The following SEMA3E variants were observed in gnomAD, a reference collection of about 807,000 sequenced individuals.
SEMA3E encodes semaphorin 3E.
SEMA3E carries 49 observed loss-of-function variants against 93.6 expected under a neutral mutation model. That is an observed-to-expected ratio of 0.52 (90% CI 0.42 to 0.66). SEMA3E has a LOEUF of 0.66. SEMA3E is among the 30% of genes least tolerant of loss of function. The pLI is 0.00. For synonymous variants in SEMA3E, 363 were observed against 330.7 expected (o/e 1.10, Z -1.06); for missense variants, 906 against 964.8 (o/e 0.94, Z 0.81).
chr7:83,379,909 T>C (rs76299497), intron 16 of SEMA3E, among the ~76,000 whole-genome samples: 5,399 of 151,984 alleles, frequency 0.036, 319 homozygotes, highest in African/African-American at 0.12. Flanking sequence ...CTTACTTTTA[T>C]TAATTCCCCT....
intron 16 of SEMA3E, chr7:83,372,318 A>G (rs1234077310): frequency 7.5e-6 from 3 of 397,958 alleles, no homozygotes; most frequent in African/African-American, 4.1e-5. Flanking sequence ...AAACATCCTT[A>G]TTGAATATGA....
chr7:83,367,443 T>A lies in SEMA3E; in HGVS notation c.*143A>T. On this transcript the variant is annotated 3_prime_UTR_variant, in exon 17 of 17. Coordinates refer to ENST00000643230, the MANE Select transcript of SEMA3E (RefSeq NM_012431.3). ...TATCCAGTCAAATGAGTATGTAGAATAATTTATTATAACACCTTCATAGTC... is the reference window on the plus strand; with the variant it reads ...TATCCAGTCAAATGAGTATGTAGAAAAATTTATTATAACACCTTCATAGTC... 2.4e-6 allele frequency: 2 copies of A among 834,510 alleles called. No individual in the cohort carries two copies. The highest frequency in any genetic ancestry group is 3.1e-5 in the South Asian group (2 of 65,066). 51.7% of individuals were successfully genotyped at this position (834,510 alleles called of 1,614,324 possible). A position where few individuals can be genotyped will look rare whatever the true frequency, so the allele number is the denominator to read the frequency against.
chr7:83,405,793 G>T, intron 8 of SEMA3E, 152 bp downstream of exon 8: 2 of 699,758 alleles, frequency 2.9e-6, no homozygotes, highest in Non-Finnish European at 2.5e-6. Context: ...CCCCCAGCAT[G>T]CGTGCCTGGC....
chr7:83,537,048 C>G (rs1441561159), intron 1 of SEMA3E, among the ~76,000 whole-genome samples: 13 of 151,822 alleles, frequency 8.6e-5, no homozygotes, highest in Non-Finnish European at 1.9e-4. Flanking sequence ...CCTTCTCTCT[C>G]TCTCTCACTC....
intron 14 of SEMA3E, among the ~76,000 whole-genome samples, chr7:83,387,428 G>A (rs937099226): frequency 2.6e-5 from 4 of 151,982 alleles, no homozygotes; most frequent in Admixed American, 2.6e-4. Flanking sequence ...TATTTATTGA[G>A]TACAAAACAG....
intron 4 of SEMA3E, among the ~76,000 whole-genome samples, chr7:83,442,089 T>A (rs1205065387): frequency 6.6e-6 from 1 of 152,354 alleles, no homozygotes; most frequent in South Asian, 2.1e-4. Flanking sequence ...CTGTAATTAA[T>A]GATTTTTTCA....
At chr7:83,574,020 CTGTG>C (rs1792347968) in intron 1 of SEMA3E, among the ~76,000 whole-genome samples, 1 of 151,962 alleles carries the variant, frequency 6.6e-6, no homozygotes, top group African/African-American at 2.4e-5. Flanking sequence ...TCTCTTTAAT[CTGTG>C]TAAGTGCTTA....
At chr7:83,588,565 C>T (rs215306) in intron 1 of SEMA3E, among the ~76,000 whole-genome samples, 79,678 of 151,876 alleles carry the variant, frequency 0.52, 21,448 homozygotes, top group Middle Eastern at 0.64. Flanking sequence ...TAAAGCAATG[C>T]CATCTGTTAA....
intron 1 of SEMA3E, among the ~76,000 whole-genome samples, chr7:83,585,134 C>A (rs924572008): frequency 5.9e-5 from 9 of 152,148 alleles, no homozygotes; most frequent in Non-Finnish European, 1.3e-4. Context: ...CTTTGCTCTT[C>A]TCAGGACTAA....
At chr7:83,627,562 T>C (rs1475790467) in intron 1 of SEMA3E, among the ~76,000 whole-genome samples, 1 of 151,806 alleles carries the variant, frequency 6.6e-6, no homozygotes, top group African/African-American at 2.4e-5. Flanking sequence ...GTAATGCCCT[T>C]CTTTGTCTTT....
At chr7:83,560,536 G>T (rs181908347) in intron 1 of SEMA3E, among the ~76,000 whole-genome samples, 1 of 151,958 alleles carries the variant, frequency 6.6e-6, no homozygotes, top group Non-Finnish European at 1.5e-5. Context: ...TTGCCTTGTG[G>T]ATAGATATGT....
chr7:83,555,337 G>A (rs1791865285), intron 1 of SEMA3E, among the ~76,000 whole-genome samples: 1 of 152,164 alleles, frequency 6.6e-6, no homozygotes, highest in Non-Finnish European at 1.5e-5. Context: ...TTTTTTAAAT[G>A]TTGAAGTGAA....
intron 1 of SEMA3E, among the ~76,000 whole-genome samples, chr7:83,513,901 TA>T (rs1790875335): frequency 6.6e-6 from 1 of 152,122 alleles, no homozygotes; most frequent in African/African-American, 2.4e-5. Flanking sequence ...GAATAGGAGC[TA>T]GGTAAGATGA....
At chr7:83,536,698 A>G (rs976619603) in intron 1 of SEMA3E, among the ~76,000 whole-genome samples, 2 of 152,190 alleles carry the variant, frequency 1.3e-5, no homozygotes, top group Admixed American at 6.5e-5. Context: ...AAACCAGACA[A>G]CAACATAAAA....
chr7:83,456,638 A>C (rs1362566386), intron 4 of SEMA3E, among the ~76,000 whole-genome samples: 1 of 110,622 alleles, frequency 9.0e-6, no homozygotes. Flanking sequence ...TTTGAGTTGG[A>C]GTCTCATTCT....
At chr7:83,454,699 C>A (rs1320971680) in intron 4 of SEMA3E, among the ~76,000 whole-genome samples, 1 of 152,082 alleles carries the variant, frequency 6.6e-6, no homozygotes, top group Non-Finnish European at 1.5e-5. Flanking sequence ...AGCATGTATG[C>A]TTTATTTGGA....
intron 1 of SEMA3E, among the ~76,000 whole-genome samples, chr7:83,566,163 A>AT (rs1231214789): frequency 0.09 from 11,601 of 128,632 alleles, 1,388 homozygotes; most frequent in African/African-American, 0.28. Context: ...ACACCTGGCT[A>AT]TTTTTTTTTT....
At chr7:83,581,526 C>A (rs554932165) in intron 1 of SEMA3E, among the ~76,000 whole-genome samples, 6 of 151,952 alleles carry the variant, frequency 3.9e-5, no homozygotes, top group Non-Finnish European at 7.4e-5. Context: ...TGGTATATAG[C>A]ATTTTAAACA....
intron 1 of SEMA3E, among the ~76,000 whole-genome samples, chr7:83,506,038 T>C (rs962136813): frequency 5.7e-5 from 8 of 139,574 alleles, no homozygotes; most frequent in Non-Finnish European, 1.2e-4. Flanking sequence ...AAAAAATATA[T>C]ATATATATAT....
Sources: allele counts gnomAD v4.1 joint callset (sites outside exome capture counted in the v4.1 genomes callset), GRCh38; gene constraint gnomAD v4.1.1; transcripts MANE v1.5; gene names NCBI Gene and HGNC (gene_info 2026-07-23, HGNC 2026-07-21).